SAMMSON: variants seen among roughly 807,000 people sequenced by gnomAD.
The protein encoded by SAMMSON is survival associated mitochondrial melanoma specific oncogenic non-coding RNA, also known as long intergenic non-protein coding RNA 1212.
At chr3:70,365,480 ACT>A (rs977424785) in intron 9 of SAMMSON, among the ~76,000 whole-genome samples, 1 of 151,656 alleles carries the variant, frequency 6.6e-6, no homozygotes, top group African/African-American at 2.4e-5. Flanking sequence ...AATGTACCAA[ACT>A]CTAATGACCA....
At chr3:70,194,600 A>G (rs566387565) in intron 4 of SAMMSON, among the ~76,000 whole-genome samples, 1 of 152,282 alleles carries the variant, frequency 6.6e-6, no homozygotes, top group African/African-American at 2.4e-5. Flanking sequence ...AAGTTAACAA[A>G]CCGTGGAAAG....
intron 7 of SAMMSON, among the ~76,000 whole-genome samples, chr3:70,323,874 G>A (rs1702556798): frequency 6.6e-6 from 1 of 152,004 alleles, no homozygotes; most frequent in East Asian, 1.9e-4. Context: ...CAGGATGAAG[G>A]GCACCAGCTT....
intron 4 of SAMMSON, among the ~76,000 whole-genome samples, chr3:70,239,382 C>T (rs1388907352): frequency 2.6e-5 from 4 of 152,186 alleles, no homozygotes; most frequent in East Asian, 3.8e-4. Context: ...GTTCTCAACG[C>T]TTCTCCACCA....
chr3:70,303,136 A>C (rs1702366300), intron 7 of SAMMSON, among the ~76,000 whole-genome samples: 1 of 152,186 alleles, frequency 6.6e-6, no homozygotes, highest in Admixed American at 6.5e-5. Flanking sequence ...TCACGTAAGA[A>C]AATATTATTC....
chr3:70,211,083 A>T (rs1701340410), intron 4 of SAMMSON, among the ~76,000 whole-genome samples: 1 of 151,944 alleles, frequency 6.6e-6, no homozygotes, highest in African/African-American at 2.4e-5. Context: ...CTCTCATTTG[A>T]CTCTTCATAG....
intron 3 of SAMMSON, among the ~76,000 whole-genome samples, chr3:70,058,921 C>T (rs1435594694): frequency 6.6e-6 from 1 of 152,026 alleles, no homozygotes; most frequent in Non-Finnish European, 1.5e-5. Flanking sequence ...GGATCCCAAG[C>T]CCTAAGCCTA....
intron 6 of SAMMSON, among the ~76,000 whole-genome samples, chr3:70,278,803 T>C (rs1278313442): frequency 6.6e-6 from 1 of 152,096 alleles, no homozygotes; most frequent in East Asian, 1.9e-4. Flanking sequence ...ATGTTTCCTA[T>C]GCCTCAGATT....
intron 7 of SAMMSON, among the ~76,000 whole-genome samples, chr3:70,306,683 A>T (rs1429154569): frequency 6.6e-6 from 1 of 152,164 alleles, no homozygotes; most frequent in Non-Finnish European, 1.5e-5. Flanking sequence ...AGAAGATTGC[A>T]AAACTACTGC....
At position 70,417,599 on chromosome 3, in the gene SAMMSON, G is replaced by C. The variant is rs114930424; in HGVS notation, n.234-44961G>C. On this transcript the variant is annotated intron_variant and non_coding_transcript_variant, in intron 2 of 3. Coordinates refer to the SAMMSON transcript ENST00000641053. ...AGACATAGGTGGATCCAGGAGCTCA[G>C]CTACGAGTATCATCTTTCCTCCTCT... Among the ~76,000 whole-genome samples the C allele has an allele frequency of 6.2e-3, 946 of 152,262 alleles. 11 individuals carry two copies. Among genetic ancestry groups the C allele is most frequent in the African/African-American group, 0.022 (907 of 41,562 alleles).
At chr3:70,317,457 T>C (rs889781918) in intron 7 of SAMMSON, among the ~76,000 whole-genome samples, 2 of 151,788 alleles carry the variant, frequency 1.3e-5, no homozygotes, top group Non-Finnish European at 2.9e-5. Flanking sequence ...GACTACAATA[T>C]AGAGTAAACA....
chr3:70,381,774 G>A (rs1286989243), intron 9 of SAMMSON, among the ~76,000 whole-genome samples: 1 of 152,094 alleles, frequency 6.6e-6, no homozygotes, highest in Non-Finnish European at 1.5e-5. Flanking sequence ...AACAGACCCA[G>A]TTTCTTCAAG....
chr3:70,259,780 C>T lies in SAMMSON; in HGVS notation n.674+10110C>T, dbSNP rs111651994. ...TTTTCATACCGGTATAAAAACTGACCGAGACTGGGTCATTTATAAAGGAAA... is the reference window on the plus strand; with the variant it reads ...TTTTCATACCGGTATAAAAACTGACTGAGACTGGGTCATTTATAAAGGAAA... On this transcript the variant is annotated intron_variant and non_coding_transcript_variant, in intron 6 of 9. Transcript: ENST00000642114. 1.4e-3 allele frequency among the ~76,000 whole-genome samples: 216 copies of T among 152,026 alleles called. 3 individuals are homozygous for T. The highest frequency in any genetic ancestry group is 0.011 in the East Asian group (57 of 5,174).
chr3:70,358,853 C>A (rs1279160159), intron 9 of SAMMSON, among the ~76,000 whole-genome samples: 1 of 151,974 alleles, frequency 6.6e-6, no homozygotes, highest in African/African-American at 2.4e-5. Context: ...TAAAAGAAGC[C>A]AAAGTAGAGA....
intron 3 of SAMMSON, among the ~76,000 whole-genome samples, chr3:70,045,013 TA>T (rs1226303650): frequency 7.8e-6 from 1 of 127,522 alleles, no homozygotes; most frequent in East Asian, 2.1e-4. Flanking sequence ...ATTATATATA[TA>T]TAATTAATTA....
At position 70,255,070 on chromosome 3, in the gene SAMMSON, G is replaced by C. The variant is rs1189556464; in HGVS notation, n.674+5400G>C. Among the ~76,000 whole-genome samples, 3 of 152,110 alleles carry C rather than the reference G, an allele frequency of 2.0e-5. No individual in the cohort carries two copies. In the East Asian group the frequency reaches 5.8e-4, roughly 29 times the overall value. On this transcript the variant is annotated intron_variant and non_coding_transcript_variant, in intron 6 of 9. Transcript: ENST00000642114. The stretch of plus-strand genomic sequence containing the variant: ...AAATCAGCTTGAGAAAGAGAGAAAC[G>C]CAGGTAAAACCTGTGGAACAATTGA...
intron 4 of SAMMSON, among the ~76,000 whole-genome samples, chr3:70,170,579 CTTTTT>C (rs538385626): frequency 1.4e-3 from 149 of 105,490 alleles, no homozygotes; most frequent in African/African-American, 4.5e-3. Flanking sequence ...CTAGATTTTC[CTTTTT>C]TTTTTTTTTT....
intron 4 of SAMMSON, chr3:70,204,908 C>T (rs1358915430): frequency 6.6e-6 from 1 of 152,056 alleles, no homozygotes; most frequent in Non-Finnish European, 1.5e-5. Flanking sequence ...TGATGAGTAG[C>T]ATCCACACAC....
chr3:70,417,783 T>C (rs1701277850), intron 2 of SAMMSON, among the ~76,000 whole-genome samples: 2 of 152,160 alleles, frequency 1.3e-5, no homozygotes, highest in South Asian at 2.1e-4. Context: ...AAAAGGATTC[T>C]GATTGGCTCT....
chr3:70,401,901 T>A (rs906476325), intron 2 of SAMMSON, among the ~76,000 whole-genome samples: 2 of 152,200 alleles, frequency 1.3e-5, no homozygotes, highest in Non-Finnish European at 2.9e-5. Context: ...ATACTGAAGT[T>A]TATTTTTATA....
Sources: gnomAD v4.1 joint callset for allele counts (sites outside exome capture counted in the v4.1 genomes callset) on GRCh38, gnomAD v4.1.1 for gene constraint, MANE v1.5 for transcripts, NCBI Gene and HGNC (gene_info 2026-07-23, HGNC 2026-07-21) for gene names.